Variants in GABRG3 observed in about 807,000 individuals in gnomAD.
The protein encoded by GABRG3 is gamma-aminobutyric acid type A receptor subunit gamma3.
Under a neutral mutation model 48.8 loss-of-function variants are expected in GABRG3, and 25 were observed. The ratio of observed to expected loss-of-function variants is 0.51; its 90% CI spans 0.37 to 0.72. GABRG3 has a LOEUF of 0.72. GABRG3 is among the 30% of genes least tolerant of loss of function. The pLI is 0.00. For synonymous variants in GABRG3, 227 were observed against 217.6 expected (o/e 1.04, Z -0.38); for missense variants, 394 against 577.9 (o/e 0.68, Z 3.26).
intron 5 of GABRG3, among the ~76,000 whole-genome samples, chr15:27,450,405 C>T (rs1393124058): frequency 6.6e-6 from 1 of 152,118 alleles, no homozygotes; most frequent in Admixed American, 6.5e-5. Context: ...AAGGATGGTT[C>T]AGTACATGCA....
chr15:27,047,509 C>T (rs1896384375), intron 3 of GABRG3, among the ~76,000 whole-genome samples: 1 of 152,174 alleles, frequency 6.6e-6, no homozygotes, highest in Admixed American at 6.5e-5. Flanking sequence ...AAATCTGTTG[C>T]ATGTGAAAAA....
intron 5 of GABRG3, among the ~76,000 whole-genome samples, chr15:27,446,464 G>A (rs1888947640): frequency 6.6e-6 from 1 of 152,018 alleles, no homozygotes; most frequent in African/African-American, 2.4e-5. Flanking sequence ...GCTGTTTTCA[G>A]CCACCGTCCA....
At chr15:27,182,391 T>C (rs1555408213) in intron 3 of GABRG3, among the ~76,000 whole-genome samples, 2 of 152,210 alleles carry the variant, frequency 1.3e-5, no homozygotes, top group Non-Finnish European at 2.9e-5. Flanking sequence ...TCTCAAATAC[T>C]AAAGACTTTG....
intron 5 of GABRG3, chr15:27,349,985 C>T (rs1314904755): frequency 3.0e-6 from 1 of 328,742 alleles, no homozygotes; most frequent in South Asian, 2.5e-5. Flanking sequence ...ACTTTCCCAT[C>T]GGTACTCACT....
chr15:27,411,397 T>C (rs1328246124), intron 5 of GABRG3, among the ~76,000 whole-genome samples: 1 of 152,152 alleles, frequency 6.6e-6, no homozygotes, highest in Admixed American at 6.5e-5. Flanking sequence ...ACCATAGTTA[T>C]AAAGTTCCTC....
chr15:27,541,794 T>A lies in GABRG3; in HGVS notation c.*8913T>A, dbSNP rs1405354557. On this transcript the variant is annotated 3_prime_UTR_variant, in exon 10 of 10. Transcript: ENST00000615808. ...TCCCCGCTATCCGTGCGGCTCGTGGTGTCCTAGTGAAATGAGGGCGCACTG... is the reference window on the plus strand; with the variant it reads ...TCCCCGCTATCCGTGCGGCTCGTGGAGTCCTAGTGAAATGAGGGCGCACTG... 4 of 152,126 alleles carry A rather than the reference T, an allele frequency of 2.6e-5. No individual in the cohort carries two copies. Among genetic ancestry groups the A allele is most frequent in the African/African-American group, 9.7e-5 (4 of 41,432 alleles). 9.4% of individuals were successfully genotyped at this position (152,126 alleles called of 1,614,324 possible).
intron 3 of GABRG3, among the ~76,000 whole-genome samples, chr15:27,148,878 C>T (rs1051557249): frequency 8.6e-5 from 13 of 151,826 alleles, no homozygotes; most frequent in African/African-American, 1.7e-4. Flanking sequence ...ATGAAAAATC[C>T]GCAACTAATA....
At chr15:27,154,973 ACT>A (rs1898391924) in intron 3 of GABRG3, among the ~76,000 whole-genome samples, 1 of 152,032 alleles carries the variant, frequency 6.6e-6, no homozygotes, top group South Asian at 2.1e-4. Flanking sequence ...ATTTTTGAGT[ACT>A]TTTTCATCCT....
intron 3 of GABRG3, among the ~76,000 whole-genome samples, chr15:27,217,187 C>T (rs8037762): frequency 0.57 from 86,944 of 151,872 alleles, 25,659 homozygotes; most frequent in East Asian, 0.82. Context: ...TTGTTGGACA[C>T]TTGGACATTT....
At chr15:27,124,403 C>G (rs910846125) in intron 3 of GABRG3, among the ~76,000 whole-genome samples, 1 of 152,180 alleles carries the variant, frequency 6.6e-6, no homozygotes, top group African/African-American at 2.4e-5. Context: ...CTGCTGGGCT[C>G]TCTGTCCAGG....
intron 2 of GABRG3, among the ~76,000 whole-genome samples, chr15:27,002,160 T>C (rs1356617225): frequency 6.6e-6 from 1 of 152,200 alleles, no homozygotes; most frequent in African/African-American, 2.4e-5. Flanking sequence ...TATTTAAAAC[T>C]TTCCAGCCAT....
chr15:27,214,548 G>C (rs186558429), intron 3 of GABRG3, among the ~76,000 whole-genome samples: 1 of 152,060 alleles, frequency 6.6e-6, no homozygotes, highest in African/African-American at 2.4e-5. Context: ...AAAAAATTCT[G>C]TATACTTTCT....
At chr15:27,131,964 A>G (rs1897923296) in intron 3 of GABRG3, among the ~76,000 whole-genome samples, 1 of 152,050 alleles carries the variant, frequency 6.6e-6, no homozygotes, top group African/African-American at 2.4e-5. Context: ...CTTTTGACCA[A>G]TTTTAAGTTG....
intron 5 of GABRG3, among the ~76,000 whole-genome samples, chr15:27,452,190 C>T (rs1380928195): frequency 1.3e-5 from 2 of 152,128 alleles, no homozygotes; most frequent in Non-Finnish European, 2.9e-5. Context: ...TATCACCTCA[C>T]GCCTGTTAGA....
At chr15:27,313,370 C>T (rs886467671) in intron 3 of GABRG3, among the ~76,000 whole-genome samples, 8 of 126,062 alleles carry the variant, frequency 6.3e-5, no homozygotes, top group Non-Finnish European at 1.3e-4. Flanking sequence ...AGGAAGACAC[C>T]GATAGAAATA....
At chr15:27,383,614 A>T (rs950063732) in intron 5 of GABRG3, among the ~76,000 whole-genome samples, 3 of 152,188 alleles carry the variant, frequency 2.0e-5, no homozygotes, top group Admixed American at 6.5e-5. Context: ...TCTGGTCAAC[A>T]GTGTCAAGCC....
intron 3 of GABRG3, among the ~76,000 whole-genome samples, chr15:27,284,695 G>A (rs2140481996): frequency 6.6e-6 from 1 of 152,308 alleles, no homozygotes; most frequent in South Asian, 2.1e-4. Flanking sequence ...CATGGAGACA[G>A]AACATAACTT....
intron 5 of GABRG3, among the ~76,000 whole-genome samples, chr15:27,464,325 C>G (rs1414322416): frequency 6.6e-6 from 1 of 152,156 alleles, no homozygotes; most frequent in African/African-American, 2.4e-5. Context: ...CCAAACTTGC[C>G]TATTCTGGAC....
intron 3 of GABRG3, among the ~76,000 whole-genome samples, chr15:27,197,690 C>G (rs927159465): frequency 1.4e-4 from 22 of 152,116 alleles, no homozygotes; most frequent in Admixed American, 1.2e-3. Flanking sequence ...ATGGTACCAG[C>G]TCCTGCTTGT....
Sources: gnomAD v4.1 joint callset for allele counts (sites outside exome capture counted in the v4.1 genomes callset) on GRCh38, gnomAD v4.1.1 for gene constraint, MANE v1.5 for transcripts, NCBI Gene and HGNC (gene_info 2026-07-23, HGNC 2026-07-21) for gene names.